Variants in LCN8 observed in about 807,000 individuals in gnomAD.
The protein encoded by LCN8 is lipocalin 8, also known as epididymal-specific lipocalin-8.
LCN8 carries 16 observed loss-of-function variants against 22.8 expected under a neutral mutation model. The observed-to-expected ratio is 0.70, with a 90% CI of 0.47 to 1.06. The LOEUF (loss-of-function observed/expected upper bound fraction) is 1.06. Ranked by LOEUF, LCN8 falls within the 50% of genes least tolerant of loss-of-function variation. The pLI, the probability that LCN8 is intolerant of heterozygous loss-of-function variation, is 0.00. For synonymous variants in LCN8, 92 were observed against 83.4 expected (o/e 1.10, Z -0.56); for missense variants, 189 against 203.3 (o/e 0.93, Z 0.43).
chr9:136,755,974 G>A (rs1847181897), intron 3 of LCN8: 1 of 1,284,382 alleles, frequency 7.8e-7, no homozygotes, highest in African/African-American at 1.6e-5. Context: ...GGGAATGCAT[G>A]GGGAACGGCA....
At chr9:136,756,086 A>C (rs1461480254) in intron 3 of LCN8, 1 of 1,302,728 alleles carries the variant, frequency 7.7e-7, no homozygotes, top group Admixed American at 2.3e-5. Flanking sequence ...CATTGCAGGG[A>C]ACAGCATGGG....
chr9:136,757,778 G>T, intron 1 of LCN8, 129 bp downstream of exon 1: 2 of 1,586,412 alleles, frequency 1.3e-6, no homozygotes, highest in South Asian at 1.1e-5. Context: ...AGAAAATGCC[G>T]CTAACAGGAA....
At position 136,755,416 on chromosome 9, in the gene LCN8, G is replaced by A. The variant is rs780926500; in HGVS notation, c.327C>T (p.Tyr109=). The change falls in exon 4 of 7, where the codon TAC becomes TAT. Residue 109 remains tyrosine, a synonymous_variant. Coordinates refer to ENST00000371688, the MANE Select transcript of LCN8 (RefSeq NM_178469.4). The part of the protein sequence containing the change: ...WRGRNFRVLK[Y]FTRSLEDKDR... ...GCCCCCCAGGGCCAAGCTTACTAAA[G>A]TACTTGAGGACGCGAAAGTTCCTGC... The A allele has an allele frequency of 1.2e-6, 2 of 1,611,694 alleles. No individual in the cohort carries two copies. The highest frequency in any genetic ancestry group is 1.7e-5 in the Admixed American group (1 of 60,012).
At chr9:136,754,665 T>G in intron 6 of LCN8, 156 bp from the exon 7 acceptor site, 1 of 1,433,024 alleles carries the variant, frequency 7.0e-7, no homozygotes, top group Non-Finnish European at 9.1e-7. Flanking sequence ...CAAAATGGGG[T>G]AACAGGCCCA....
chr9:136,754,573 T>A, intron 6 of LCN8, 64 bp from the exon 7 acceptor site: 1 of 1,537,208 alleles, frequency 6.5e-7, no homozygotes. Flanking sequence ...GGGGCTTCGA[T>A]GAGGGCCACA....
rs569848818 is a variant in LCN8, at chr9:136,756,152, G to A, written c.226+370C>T. ...CGCAGGGAACAGCATGTGGAACAGCGCAGGGAACAGCATGAGGAACAGTGC... is the reference window on the plus strand; with the variant it reads ...CGCAGGGAACAGCATGTGGAACAGCACAGGGAACAGCATGAGGAACAGTGC... On this transcript the variant is annotated intron_variant, in intron 3 of 6. Coordinates refer to ENST00000371688, the MANE Select transcript of LCN8 (RefSeq NM_178469.4). 1.7e-4 allele frequency: 154 copies of A among 910,796 alleles called. 3 individuals carry two copies. In the South Asian group the frequency reaches 2.2e-3, roughly 13 times the overall value. The allele number at this position is 910,796 out of a possible 1,614,324, so 56.4% of individuals were successfully genotyped here.
rs917122417 is a variant in LCN8 at position 136,757,537 on chromosome 9, G to C, written c.25-369C>G. The C allele has an allele frequency of 2.2e-6, 3 of 1,365,696 alleles. No homozygotes were observed. In the African/African-American group the frequency reaches 4.4e-5, roughly 20 times the overall value. 84.6% of individuals were successfully genotyped at this position (1,365,696 alleles called of 1,614,324 possible). On this transcript the variant is annotated intron_variant, in intron 1 of 6. Transcript: ENST00000371688. ...AAGAAAGCCCGCAGGGCGCGGCGGA[G>C]TGAGAAACGCCAGAGAACAGGTGGC...
intron 1 of LCN8, chr9:136,757,524 A>G (rs1320627280): frequency 7.4e-7 from 1 of 1,353,048 alleles, no homozygotes; most frequent in South Asian, 1.7e-5. Context: ...GAAAGCCCGC[A>G]GGGCGCGGCG....
chr9:136,756,481 C>T (rs1444567315), intron 3 of LCN8, 41 bp downstream of exon 3: 13 of 1,614,008 alleles, frequency 8.1e-6, no homozygotes, highest in Non-Finnish European at 1.1e-5. Context: ...GCTGTGTGCA[C>T]AGCCGGGTTC....
chr9:136,754,616 G>T (rs906372124), intron 6 of LCN8, 107 bp from the exon 7 acceptor site: 9 of 1,483,992 alleles, frequency 6.1e-6, no homozygotes, highest in Non-Finnish European at 7.1e-6. Flanking sequence ...GCCTGGTTTT[G>T]CGCAAAGCAC....
Position 136,758,149 on chromosome 9 carries a change from G to A in LCN8, c.-219C>T. ...GTGGGTTTCTGCACAAGCGCCATCG[G>A]CCCTGGTGACACCCACGCCCACCGC... is the stretch of plus-strand genomic sequence containing the variant. On this transcript the variant is annotated 5_prime_UTR_variant, in exon 1 of 7. Coordinates refer to ENST00000371688, the MANE Select transcript of LCN8 (RefSeq NM_178469.4). 1 of 1,439,030 alleles carries A rather than the reference G, an allele frequency of 6.9e-7. No homozygotes were observed. The highest frequency in any genetic ancestry group is 9.1e-7 in the Non-Finnish European group (1 of 1,096,706). 89.1% of individuals were successfully genotyped at this position (1,439,030 alleles called of 1,614,324 possible). A position where few individuals can be genotyped will look rare whatever the true frequency, so the allele number is the denominator to read the frequency against.
In LCN8 at chr9:136,757,997, C is replaced by T. The variant is rs562924612; in HGVS notation, c.-67G>A. ...GGATGGTGCACGGCAGCCTGGCCTC[C>T]GTGGCGGGGTCCGGGCTCCGGGTTC... is the stretch of plus-strand genomic sequence containing the variant. On this transcript the variant is annotated 5_prime_UTR_variant, in exon 1 of 7. Transcript: ENST00000371688. 28 of 1,599,090 alleles carry T rather than the reference C, an allele frequency of 1.8e-5. No individual in the cohort carries two copies. The highest frequency in any genetic ancestry group is 2.1e-4 in the Middle Eastern group (1 of 4,812).
rs543393742 is a variant in LCN8 at position 136,756,708 on chromosome 9, C to T, written c.156-116G>A. 1.2e-5 allele frequency: 17 copies of T among 1,414,526 alleles called. No homozygotes were observed. In the East Asian group the frequency reaches 4.2e-4, roughly 35 times the overall value. The allele number at this position is 1,414,526 out of a possible 1,614,324, so 87.6% of individuals were successfully genotyped here. A position where few individuals can be genotyped will look rare whatever the true frequency, so the allele number is the denominator to read the frequency against. On this transcript the variant is annotated intron_variant, in intron 2 of 6. Coordinates refer to ENST00000371688, the MANE Select transcript of LCN8 (RefSeq NM_178469.4). Reference sequence around the variant, plus strand: ...GGGCACAGGCAGCACTGTGGAGTATCCCAGGCCTGGAGCAGGATGAGGCGG... The same window carrying T: ...GGGCACAGGCAGCACTGTGGAGTATTCCAGGCCTGGAGCAGGATGAGGCGG...
At chr9:136,756,173 A>AG (rs1847190581) in intron 3 of LCN8, 1 of 997,756 alleles carries the variant, frequency 1.0e-6, no homozygotes, top group Non-Finnish European at 1.3e-6. Context: ...CATGAGGAAC[A>AG]GTGCAGGGAA....
intron 3 of LCN8, 108 bp from the exon 4 acceptor site, chr9:136,755,624 T>C (rs1847166986): frequency 6.5e-7 from 1 of 1,529,794 alleles, no homozygotes; most frequent in Admixed American, 2.0e-5. Context: ...GTCCCAGCAC[T>C]TGAGTGGTTG....
At position 136,755,349 on chromosome 9, in the gene LCN8, G is replaced by T; in HGVS notation, c.332-16C>A. 6.2e-7 allele frequency: 1 copy of T among 1,609,920 alleles called. No homozygotes were observed. ...AGGCTCCGAGCTGTGGGGCACAGGG[G>T]GGCTGGGCGGGCAGTCCCTGGGAGA... On this transcript the variant is annotated splice_polypyrimidine_tract_variant and intron_variant, in intron 4 of 6. Coordinates refer to ENST00000371688, the MANE Select transcript of LCN8 (RefSeq NM_178469.4).
chr9:136,756,543 T>C lies in LCN8; in HGVS notation c.205A>G (p.Thr69Ala), dbSNP rs151146016. 1 of 1,614,126 alleles carries C rather than the reference T, an allele frequency of 6.2e-7. No homozygotes were observed. Among genetic ancestry groups the C allele is most frequent in the African/African-American group, 1.3e-5 (1 of 75,052 alleles). Residue 69 changes from threonine to alanine, a missense_variant, in exon 3 of 7, where the codon ACG (threonine) becomes GCG (alanine). Physicochemically the swap from Thr to Ala is moderately conservative, Grantham distance 58. Transcript: ENST00000371688. ...EKIVGSEIDSTGKFAFPGHRE... is the reference protein window; with the variant it reads ...EKIVGSEIDSAGKFAFPGHRE... Reference sequence around the variant, plus strand: ...TTACCAGGAAAAGCGAATTTTCCCGTACTGTCTATTTCTGAGCCCACGATC... The same window carrying C: ...TTACCAGGAAAAGCGAATTTTCCCGCACTGTCTATTTCTGAGCCCACGATC...
rs540024694 is a variant in LCN8 at position 136,754,587 on chromosome 9, C to T, written c.448-78G>A. 34 of 1,516,732 alleles carry T rather than the reference C, an allele frequency of 2.2e-5. No individual in the cohort carries two copies. In the East Asian group the frequency reaches 3.2e-4, roughly 14 times the overall value. The allele number at this position is 1,516,732 out of a possible 1,614,324, so 94.0% of individuals were successfully genotyped here. ...CGGGGCTTCGATGAGGGCCACACGG[C>T]GGGACTTCTGTCCTCGCTGCCTGGT... On this transcript the variant is annotated intron_variant, in intron 6 of 6. Transcript: ENST00000371688.
At chr9:136,754,783 G>A (rs978420991) in intron 6 of LCN8, 33 of 1,374,816 alleles carry the variant, frequency 2.4e-5, no homozygotes, top group South Asian at 5.3e-5. Context: ...CGCCGCCGAC[G>A]GGACCTTCGG....
Sources: gnomAD v4.1 joint callset for allele counts on GRCh38, gnomAD v4.1.1 for gene constraint, MANE v1.5 for transcripts, NCBI Gene and HGNC (gene_info 2026-07-23, HGNC 2026-07-21) for gene names.